Variants in ANAPC5 observed in about 807,000 individuals in gnomAD.
The protein encoded by ANAPC5 is anaphase-promoting complex subunit 5.
A neutral mutation model predicts 91.3 loss-of-function variants in ANAPC5; 60 were observed. The ratio of observed to expected loss-of-function variants is 0.66; its 90% confidence interval spans 0.53 to 0.81. ANAPC5 has a LOEUF of 0.81. ANAPC5 is among the 40% of genes least tolerant of loss of function. The probability of loss-of-function intolerance (pLI) is 0.00; values close to 1 mark genes in which losing one functional copy is unlikely to be tolerated. For missense variants in ANAPC5, 690 were observed against 931.5 expected, an observed-to-expected ratio of 0.74 and a Z score of 3.37; for synonymous variants, 340 against 364.1, an observed-to-expected ratio of 0.93 and a Z score of 0.75.
intron 1 of ANAPC5, among the ~76,000 whole-genome samples, chr12:121,348,358 G>A (rs1202385991): frequency 2.0e-5 from 3 of 152,178 alleles, no homozygotes; most frequent in African/African-American, 7.2e-5. Context: ...ACTATGTGCT[G>A]AAGTCTATAA....
intron 1 of ANAPC5, among the ~76,000 whole-genome samples, chr12:121,351,720 G>A (rs978883731): frequency 3.3e-5 from 5 of 152,102 alleles, no homozygotes; most frequent in Non-Finnish European, 5.9e-5. Flanking sequence ...CCCTCCCAAA[G>A]TGCGGAGATT....
At chr12:121,309,909 C>A (rs751044046) in intron 15 of ANAPC5, 46 bp from the exon 16 acceptor site, 2 of 1,511,606 alleles carry the variant, frequency 1.3e-6, no homozygotes, top group South Asian at 2.6e-5. Context: ...AACCCACTGC[C>A]CTTCACCAGG....
chr12:121,319,824 A>T lies in ANAPC5; in HGVS notation c.1516-6T>A. 1 of 1,588,022 alleles carries T rather than the reference A, an allele frequency of 6.3e-7. No individual in the cohort carries two copies. Among genetic ancestry groups the T allele is most frequent in the South Asian group, 1.2e-5 (1 of 86,356 alleles). ...TGATCACATAGCATCCATAACTAGT[A>T]AGAAAAAAAAACACAATTAAGTACA... On this transcript the variant is annotated splice_polypyrimidine_tract_variant and splice_region_variant and intron_variant, in intron 12 of 16. Transcript: ENST00000261819.
chr12:121,322,127 G>C (rs1440035042), intron 11 of ANAPC5, among the ~76,000 whole-genome samples: 1 of 150,216 alleles, frequency 6.7e-6, no homozygotes, highest in African/African-American at 2.5e-5. Context: ...GTCTCCCAAA[G>C]TGCTGGGATT....
At chr12:121,344,752 G>T (rs1016005556) in intron 4 of ANAPC5, among the ~76,000 whole-genome samples, 85 of 152,224 alleles carry the variant, frequency 5.6e-4, no homozygotes, top group Middle Eastern at 3.4e-3. Context: ...AAACTGATTG[G>T]AGTAGTCAAG....
upstream of ANAPC5, among the ~76,000 whole-genome samples, chr12:121,353,985 A>ATT (rs56126551): frequency 7.3e-6 from 1 of 136,786 alleles, no homozygotes; most frequent in African/African-American, 2.7e-5. Context: ...TGCATGGCTA[A>ATT]TTTTTTTTTT....
At chr12:121,309,948 T>C (rs1289174690) in intron 15 of ANAPC5, 85 bp from the exon 16 acceptor site, 1 of 1,353,680 alleles carries the variant, frequency 7.4e-7, no homozygotes, top group Non-Finnish European at 1.0e-6. Flanking sequence ...AGTTCTCTCC[T>C]GAATGGCTAT....
At position 121,352,379 on chromosome 12, in the gene ANAPC5, C is replaced by T. The variant is rs377207134; in HGVS notation, c.-39G>A. The T allele has an allele frequency of 1.4e-3, 2,159 of 1,541,364 alleles. 7 individuals are homozygous for T. Among genetic ancestry groups the T allele is most frequent in the Admixed American group, 2.7e-3 (143 of 52,136 alleles). ...TAAGTCTCGGGCCCGCGGCGCGCTG[C>T]CGCCAGTTGTCACCACAAGGCACAA... On this transcript the variant is annotated 5_prime_UTR_variant, in exon 1 of 17. Transcript: ENST00000261819.
At chr12:121,340,041 G>A (rs11065526) in intron 5 of ANAPC5, among the ~76,000 whole-genome samples, 117,559 of 151,132 alleles carry the variant, frequency 0.78, 48,827 homozygotes, top group East Asian at 0.98. Flanking sequence ...CTCTGGCCAG[G>A]CGCAGTGGCT....
At position 121,342,121 on chromosome 12, in the gene ANAPC5, T is replaced by C; in HGVS notation, c.591-52A>G. ...GTAAAGAATTACACAAAAGTAAAAA[T>C]GATAACATTTATAAAATCAGATGGA... On this transcript the variant is annotated intron_variant, in intron 4 of 16. Transcript: ENST00000261819. The surrounding 1 kb of genome is among the most constrained non-coding windows in gnomAD (Gnocchi z 4.1). 1 of 1,315,316 alleles carries C rather than the reference T, an allele frequency of 7.6e-7. No homozygotes were observed. The highest frequency in any genetic ancestry group is 1.1e-6 in the Non-Finnish European group (1 of 942,758). 81.5% of individuals were successfully genotyped at this position (1,315,316 alleles called of 1,614,324 possible).
At chr12:121,316,524 G>C (rs1902368374) in intron 15 of ANAPC5, among the ~76,000 whole-genome samples, 2 of 152,022 alleles carry the variant, frequency 1.3e-5, no homozygotes. Context: ...ACGAGGTCAG[G>C]AGATCGAGAC....
chr12:121,333,769 C>A (rs1313154712), intron 7 of ANAPC5: 1 of 152,188 alleles, frequency 6.6e-6, no homozygotes, highest in Non-Finnish European at 1.5e-5. Flanking sequence ...CAATCTTCTC[C>A]CGTAGCCATA....
chr12:121,330,499 G>C (rs550818210), intron 9 of ANAPC5, 84 bp downstream of exon 9: 1 of 1,083,526 alleles, frequency 9.2e-7, no homozygotes, highest in Non-Finnish European at 1.4e-6. Flanking sequence ...TAAATCTATC[G>C]CTGGTTAATG....
At chr12:121,312,706 CAAAAAA>C (rs34791908) in intron 15 of ANAPC5, among the ~76,000 whole-genome samples, 9 of 51,822 alleles carry the variant, frequency 1.7e-4, no homozygotes, top group Non-Finnish European at 2.5e-4. Flanking sequence ...GACTCTGTCA[CAAAAAA>C]AAAAAAAAAA....
In ANAPC5 at chr12:121,308,572, TC is replaced by T; in HGVS notation, c.2175del (p.Lys726ArgfsTer26). ...GCACACCGGTTCCTCTCCTGGGTCTTCCCCAGGGTATGGTAGAGTCTGGCCT... is the reference window on the plus strand; with the variant it reads ...GCACACCGGTTCCTCTCCTGGGTCTTCCCAGGGTATGGTAGAGTCTGGCCT... ...YFQARLYHTL[G>X]KTQERNRCAM... On this transcript the variant is annotated frameshift_variant, in exon 17 of 17. Transcript: ENST00000261819. LOFTEE classifies it high-confidence loss of function. 2 of 1,614,052 alleles carry T rather than the reference TC, an allele frequency of 1.2e-6. No homozygotes were observed. The highest frequency in any genetic ancestry group is 1.7e-6 in the Non-Finnish European group (2 of 1,179,976).
At chr12:121,348,996 G>T (rs1903779134) in intron 1 of ANAPC5, among the ~76,000 whole-genome samples, 1 of 152,218 alleles carries the variant, frequency 6.6e-6, no homozygotes, top group Non-Finnish European at 1.5e-5. Flanking sequence ...CTGGCGCAGT[G>T]GCTCACGCCT....
chr12:121,352,718 T>TTGGTGGTGGTGGTGGTGGTGG (rs377308371), upstream of ANAPC5, among the ~76,000 whole-genome samples: 45 of 102,430 alleles, frequency 4.4e-4, 2 homozygotes, highest in East Asian at 1.7e-3. Context: ...GTTGTTGTTG[T>TTGGTGGTGGTGGTGGTGGTGG]TGGTGGTGGT....
rs1039102593 is a variant in ANAPC5, at chr12:121,350,711, G to A, written c.207+1423C>T. Among the ~76,000 whole-genome samples, 3 of 151,564 alleles carry A rather than the reference G, an allele frequency of 2.0e-5. No individual in the cohort carries two copies. The South Asian group carries it at 6.2e-4, about 32-fold the overall frequency. On this transcript the variant is annotated intron_variant, in intron 1 of 16. Transcript: ENST00000261819. Reference sequence around the variant, plus strand: ...AAAAAAAAAAATCCTCTCCATGAGTGCACTCATCCACCTCTATCGCATTTC... The same window carrying A: ...AAAAAAAAAAATCCTCTCCATGAGTACACTCATCCACCTCTATCGCATTTC...
At chr12:121,325,242 C>G (rs1224464731) in intron 11 of ANAPC5, among the ~76,000 whole-genome samples, 2 of 152,312 alleles carry the variant, frequency 1.3e-5, no homozygotes, top group East Asian at 3.9e-4. Context: ...GCAGGTGGAT[C>G]ATTTGAGGTC....
Sources: allele counts gnomAD v4.1 joint callset (sites outside exome capture counted in the v4.1 genomes callset), GRCh38; gene constraint gnomAD v4.1.1; non-coding constraint Gnocchi (gnomAD v3.1); transcripts MANE v1.5; gene names NCBI Gene and HGNC (gene_info 2026-07-23, HGNC 2026-07-21).